Variants in NUP35 observed in about 807,000 individuals in gnomAD.
NUP35 encodes the protein nucleoporin NUP35.
In NUP35, 25 loss-of-function variants were observed where a neutral mutation model predicts 41.5. That is an observed-to-expected ratio of 0.60 (90% CI 0.44 to 0.84). The LOEUF (loss-of-function observed/expected upper bound fraction) is 0.84, where lower values mean the gene tolerates loss of function less well. Among genes scored for constraint, NUP35 ranks in the 40% least tolerant of loss-of-function variants. The pLI is 0.00. For missense variants in NUP35, 396 were observed against 396.6 expected (o/e 1.00, Z 0.01); for synonymous variants, 149 against 130.7 (o/e 1.14, Z -0.96).
At chr2:183,143,839 G>GTTCAA (rs1403872882) in intron 4 of NUP35, among the ~76,000 whole-genome samples, 1 of 152,122 alleles carries the variant, frequency 6.6e-6, no homozygotes, top group Non-Finnish European at 1.5e-5. Flanking sequence ...TGAATACAGG[G>GTTCAA]TTCAGTTCAC....
At chr2:183,143,170 A>G (rs1377535110) in intron 4 of NUP35, among the ~76,000 whole-genome samples, 3 of 150,046 alleles carry the variant, frequency 2.0e-5, no homozygotes, top group African/African-American at 4.9e-5. Context: ...AAAAAAAAAA[A>G]GAAAAGAAAT....
chr2:183,121,915 T>TTTATTATTATTATTATTATTATTA (rs71008266), upstream of NUP35, among the ~76,000 whole-genome samples: 22,032 of 145,106 alleles, frequency 0.15, 2,026 homozygotes, highest in East Asian at 0.25. Flanking sequence ...GGCCATTCTT[T>TTTATTATTATTATTATTATTATTA]TTATTATTAT....
chr2:183,124,011 G>A (rs1050558717), upstream of NUP35, among the ~76,000 whole-genome samples: 1 of 152,292 alleles, frequency 6.6e-6, no homozygotes, highest in African/African-American at 2.4e-5. Flanking sequence ...AGGAAAAAGC[G>A]TCATGTACTA....
At chr2:183,158,840 C>T (rs1003766645) in intron 7 of NUP35, among the ~76,000 whole-genome samples, 2 of 152,030 alleles carry the variant, frequency 1.3e-5, no homozygotes, top group African/African-American at 2.4e-5. Flanking sequence ...CAAAGGTTTT[C>T]GTTTCAAAAT....
intron 4 of NUP35, among the ~76,000 whole-genome samples, chr2:183,138,097 A>G (rs1456704723): frequency 6.6e-6 from 1 of 151,854 alleles, no homozygotes; most frequent in Non-Finnish European, 1.5e-5. Flanking sequence ...ACACATAGAA[A>G]GTCTTAATGG....
intron 4 of NUP35, among the ~76,000 whole-genome samples, chr2:183,136,782 G>A (rs1439530654): frequency 6.6e-6 from 1 of 152,146 alleles, no homozygotes; most frequent in Non-Finnish European, 1.5e-5. Flanking sequence ...TCAAACCAGG[G>A]GACAGAAATC....
chr2:183,126,391 T>G (rs1213813553), intron 1 of NUP35, among the ~76,000 whole-genome samples: 1 of 152,226 alleles, frequency 6.6e-6, no homozygotes, highest in African/African-American at 2.4e-5. Context: ...TGCTATAATT[T>G]TTTTTTCTTT....
Position 183,130,322 on chromosome 2 carries a change from G to A in NUP35, c.212-96G>A, listed in dbSNP as rs1684651629. On this transcript the variant is annotated intron_variant, in intron 2 of 8. Transcript: ENST00000295119. The stretch of plus-strand genomic sequence containing the variant: ...TATTAAAGTTTGAAAAGAACTAACA[G>A]ACAAGATTTTAAGTCAGTATTTCAA... The A allele has an allele frequency of 1.6e-6, 2 of 1,289,874 alleles. 1 individual carries two copies. The allele number at this position is 1,289,874 out of a possible 1,614,324, so 79.9% of individuals were successfully genotyped here.
chr2:183,130,539 A>G lies in NUP35; in HGVS notation c.333A>G (p.Arg111=). 7 of 1,613,424 alleles carry G rather than the reference A, an allele frequency of 4.3e-6. No individual in the cohort carries two copies. The highest frequency in any genetic ancestry group is 1.1e-5 in the South Asian group (1 of 90,944). The change falls in exon 3 of 9, where the codon AGA becomes AGG. Residue 111 remains arginine, a synonymous_variant. Transcript: ENST00000295119. ...TTGGATCAACACCTTTAACTTCAAG[A>G]AGACAGGTAATATAAATACCCTTTT... ...PGLGSTPLTS[R]RQPNISVMQS...
intron 5 of NUP35, among the ~76,000 whole-genome samples, chr2:183,156,057 G>C (rs1685655187): frequency 6.6e-6 from 1 of 151,984 alleles, no homozygotes; most frequent in Non-Finnish European, 1.5e-5. Context: ...ACTGACTTAG[G>C]GTTATGAAAT....
intron 1 of NUP35, among the ~76,000 whole-genome samples, chr2:183,127,522 ATTTTG>A (rs1684537634): frequency 6.6e-6 from 1 of 152,210 alleles, no homozygotes; most frequent in African/African-American, 2.4e-5. Flanking sequence ...TATCACTGTT[ATTTTG>A]TAAGTGCTCT....
At chr2:183,140,319 G>A (rs1685043949) in intron 4 of NUP35, among the ~76,000 whole-genome samples, 1 of 151,974 alleles carries the variant, frequency 6.6e-6, no homozygotes, top group African/African-American at 2.4e-5. Context: ...CCAGTGTCCA[G>A]TGAGTGTTTC....
chr2:183,156,695 AT>A (rs34878845), intron 5 of NUP35, among the ~76,000 whole-genome samples: 23 of 148,614 alleles, frequency 1.5e-4, no homozygotes, highest in Admixed American at 5.4e-4. Flanking sequence ...TGAGACTCGA[AT>A]TTTTTTTTTT....
At chr2:183,118,744 T>C (rs1252881069) in intron 1 of NUP35, 1 of 152,100 alleles carries the variant, frequency 6.6e-6, no homozygotes, top group South Asian at 2.1e-4. Flanking sequence ...GGAGTGAAGG[T>C]TTGTTGAAAA....
At chr2:183,128,598 CT>C (rs1553528506) in intron 2 of NUP35, 141 bp downstream of exon 2, 21 of 370,194 alleles carry the variant, frequency 5.7e-5, no homozygotes, top group Non-Finnish European at 8.7e-5. Context: ...AGCTGATGAG[CT>C]AAAAAAAAAA....
intron 4 of NUP35, among the ~76,000 whole-genome samples, chr2:183,149,647 G>A (rs181795807): frequency 1.3e-5 from 2 of 152,238 alleles, no homozygotes; most frequent in Admixed American, 1.3e-4. Context: ...GAGAGTCCTG[G>A]GGGAGCCAAG....
At chr2:183,124,624 G>A (rs1700123065) in intron 1 of NUP35, 127 bp downstream of exon 1, 1 of 1,252,922 alleles carries the variant, frequency 8.0e-7, no homozygotes, top group Non-Finnish European at 1.2e-6. Context: ...GGAATCCTTG[G>A]GTGCCCCCAA....
intron 1 of NUP35, among the ~76,000 whole-genome samples, chr2:183,127,941 G>T (rs904795377): frequency 6.6e-6 from 1 of 151,962 alleles, no homozygotes; most frequent in Non-Finnish European, 1.5e-5. Flanking sequence ...GGGCGTGGTG[G>T]TGCAGGCCTG....
intron 4 of NUP35, among the ~76,000 whole-genome samples, chr2:183,143,205 A>G (rs2105582394): frequency 6.6e-6 from 1 of 151,236 alleles, no homozygotes; most frequent in East Asian, 1.9e-4. Flanking sequence ...TTTCATAGGT[A>G]AAATGTCCTA....
Sources: gnomAD v4.1 joint callset for allele counts (sites outside exome capture counted in the v4.1 genomes callset) on GRCh38, gnomAD v4.1.1 for gene constraint, MANE v1.5 for transcripts, NCBI Gene and HGNC (gene_info 2026-07-23, HGNC 2026-07-21) for gene names.